The following DLGAP1 variants were observed in gnomAD, a reference collection of about 807,000 sequenced individuals.
DLGAP1 encodes the protein disks large-associated protein 1.
Under a neutral mutation model 90.8 loss-of-function variants are expected in DLGAP1, and 11 were observed. The ratio of observed to expected loss-of-function variants is 0.12; its 90% CI spans 0.08 to 0.20. DLGAP1 has a LOEUF of 0.20. DLGAP1 is among the 10% of genes least tolerant of loss of function. DLGAP1 has a pLI of 1.00. For synonymous variants in DLGAP1, 558 were observed against 540.7 expected (o/e 1.03, Z -0.44); for missense variants, 1,050 against 1,333.8 (o/e 0.79, Z 3.31).
chr18:4,252,448 A>T (rs1299670690), intron 1 of DLGAP1, among the ~76,000 whole-genome samples: 1 of 152,238 alleles, frequency 6.6e-6, no homozygotes, highest in East Asian at 1.9e-4. Context: ...GAGGTAGGCA[A>T]CAGCTTCACT....
At chr18:3,778,598 G>A (rs1220177376) in intron 5 of DLGAP1, among the ~76,000 whole-genome samples, 4 of 152,230 alleles carry the variant, frequency 2.6e-5, no homozygotes, top group Admixed American at 2.0e-4. Context: ...TCACTAGAAG[G>A]CCCAGGCAGG....
At chr18:4,161,605 C>G (rs759031168) in intron 1 of DLGAP1, among the ~76,000 whole-genome samples, 2 of 152,034 alleles carry the variant, frequency 1.3e-5, no homozygotes, top group African/African-American at 2.4e-5. Context: ...TATAGAAGAG[C>G]CTTATTTTTT....
intron 3 of DLGAP1, among the ~76,000 whole-genome samples, chr18:3,925,903 A>G (rs2072371185): frequency 6.6e-6 from 1 of 152,262 alleles, no homozygotes; most frequent in South Asian, 2.1e-4. Context: ...ATCCCATTTT[A>G]TCACACTGAG....
In DLGAP1 at chr18:3,496,788, T is replaced by A. The variant is rs2049709446; in HGVS notation, c.*2397A>T. The A allele has an allele frequency of 6.6e-6, 1 of 152,180 alleles. No homozygotes were observed. Among genetic ancestry groups the A allele is most frequent in the Non-Finnish European group, 1.5e-5 (1 of 68,030 alleles). The allele number at this position is 152,180 out of a possible 1,614,324, so 9.4% of individuals were successfully genotyped here. Reference sequence around the variant, plus strand: ...GGGGTCATGTTCTAACACCAATAATTAGCTTTTTATAAAGTGTTTGTACAA... The same window carrying A: ...GGGGTCATGTTCTAACACCAATAATAAGCTTTTTATAAAGTGTTTGTACAA... On this transcript the variant is annotated 3_prime_UTR_variant, in exon 13 of 13. Coordinates refer to ENST00000315677, the MANE Select transcript of DLGAP1 (RefSeq NM_004746.4).
chr18:3,586,505 A>G (rs1252958551), intron 7 of DLGAP1, among the ~76,000 whole-genome samples: 1 of 151,816 alleles, frequency 6.6e-6, no homozygotes, highest in Non-Finnish European at 1.5e-5. Flanking sequence ...TTTTTTTTCA[A>G]CTACAGACGG....
chr18:4,334,376 G>A (rs1443778553), intron 1 of DLGAP1, among the ~76,000 whole-genome samples: 1 of 151,736 alleles, frequency 6.6e-6, no homozygotes, highest in African/African-American at 2.4e-5. Context: ...TTGGTCAAAA[G>A]AAATGGGATA....
At chr18:3,833,138 C>A (rs1157791597) in intron 4 of DLGAP1, among the ~76,000 whole-genome samples, 4 of 296 alleles carry the variant, frequency 0.014, no homozygotes, top group South Asian at 0.17. Context: ...AGATTCCTTC[C>A]TTCCTTCCTT....
At chr18:4,005,580 A>G (rs1330977829) in intron 2 of DLGAP1, among the ~76,000 whole-genome samples, 2 of 152,072 alleles carry the variant, frequency 1.3e-5, no homozygotes, top group African/African-American at 4.8e-5. Context: ...TGGGATGGAG[A>G]GATAGGTTAG....
intron 7 of DLGAP1, chr18:3,708,389 G>C (rs2061501834): frequency 2.2e-6 from 1 of 456,140 alleles, no homozygotes; most frequent in African/African-American, 2.0e-5. Context: ...AATTCACCAA[G>C]TTGAAGTTCA....
intron 3 of DLGAP1, among the ~76,000 whole-genome samples, chr18:3,944,452 A>G (rs1262445601): frequency 2.6e-5 from 4 of 152,118 alleles, no homozygotes; most frequent in African/African-American, 7.2e-5. Context: ...CAGTGAGCTG[A>G]GAGATTGCAC....
chr18:3,701,970 G>A (rs1184608272), intron 7 of DLGAP1, among the ~76,000 whole-genome samples: 5 of 152,076 alleles, frequency 3.3e-5, no homozygotes, highest in East Asian at 3.8e-4. Flanking sequence ...AAGATATCGG[G>A]GTAAGGTTGA....
At chr18:3,588,551 G>A (rs1199591697) in intron 7 of DLGAP1, among the ~76,000 whole-genome samples, 1 of 152,014 alleles carries the variant, frequency 6.6e-6, no homozygotes, top group Non-Finnish European at 1.5e-5. Context: ...GGATGCTGAG[G>A]CAGGTGGATC....
chr18:3,851,659 A>G (rs2069349108), intron 4 of DLGAP1, among the ~76,000 whole-genome samples: 1 of 152,228 alleles, frequency 6.6e-6, no homozygotes, highest in Non-Finnish European at 1.5e-5. Flanking sequence ...TGAACCTAAA[A>G]TAAAAGTTTA....
chr18:4,324,705 TGG>T (rs2080775718), intron 1 of DLGAP1, among the ~76,000 whole-genome samples: 13 of 98,522 alleles, frequency 1.3e-4, no homozygotes, highest in African/African-American at 6.7e-4. Flanking sequence ...GAAGCAAGGT[TGG>T]TTCAACATAC....
chr18:4,373,838 T>A (rs1004578888), intron 1 of DLGAP1, among the ~76,000 whole-genome samples: 1 of 152,212 alleles, frequency 6.6e-6, no homozygotes, highest in Non-Finnish European at 1.5e-5. Flanking sequence ...TAGTTCAACA[T>A]ATTTATCCTG....
chr18:3,631,823 C>G (rs550051293), intron 7 of DLGAP1, among the ~76,000 whole-genome samples: 1 of 152,168 alleles, frequency 6.6e-6, no homozygotes, highest in Non-Finnish European at 1.5e-5. Flanking sequence ...GACGAGGTCT[C>G]GCTCTGTGGA....
rs561312070 is a variant in DLGAP1, at chr18:4,167,767, T to C, written c.-266-16480A>G. Among the ~76,000 whole-genome samples, 15 of 152,218 alleles carry C rather than the reference T, an allele frequency of 9.9e-5. No individual in the cohort carries two copies. In the East Asian group the frequency reaches 1.5e-3, roughly 16 times the overall value. On this transcript the variant is annotated intron_variant, in intron 1 of 12. Coordinates refer to ENST00000315677, the MANE Select transcript of DLGAP1 (RefSeq NM_004746.4). ...GCGATGTTGCTGGATACAAGACCAA[T>C]AGACAAAGATCAATCATATTTCTAC...
intron 3 of DLGAP1, among the ~76,000 whole-genome samples, chr18:3,926,420 AT>A (rs2072387466): frequency 7.3e-6 from 1 of 137,418 alleles, no homozygotes; most frequent in Non-Finnish European, 1.6e-5. Context: ...ATATATATAT[AT>A]ACACACACAC....
chr18:3,567,523 T>C lies in DLGAP1; in HGVS notation c.2024A>G (p.Gln675Arg). Residue 675 changes from glutamine (Q) to arginine (R), a missense_variant, in exon 9 of 13, where the codon CAG (glutamine) becomes CGG (arginine). Coordinates refer to ENST00000315677, the MANE Select transcript of DLGAP1 (RefSeq NM_004746.4). ...TTCTTCTACTTGCACTCCCACGGAC[T>C]GGAACTTACTGGGTGCTTTATTCTC... ...TGENKAPSKF[Q>R]SVGVQVEEEK... The C allele has an allele frequency of 6.2e-7, 1 of 1,614,124 alleles. No individual in the cohort carries two copies. Among genetic ancestry groups the C allele is most frequent in the Non-Finnish European group, 8.5e-7 (1 of 1,180,002 alleles).
Sources: allele counts gnomAD v4.1 joint callset (sites outside exome capture counted in the v4.1 genomes callset), GRCh38; gene constraint gnomAD v4.1.1; transcripts MANE v1.5; gene names NCBI Gene and HGNC (gene_info 2026-07-23, HGNC 2026-07-21).